Variants in STK38 observed in about 807,000 individuals in gnomAD.
STK38 encodes the protein serine/threonine kinase 38.
STK38 carries 26 observed loss-of-function variants against 59.0 expected under a neutral mutation model. That is an observed-to-expected ratio of 0.44 (90% CI 0.32 to 0.61). The LOEUF is 0.61. Ranked by LOEUF, STK38 falls within the 20% of genes least tolerant of loss-of-function variation. STK38 has a pLI of 0.04. For missense variants in STK38, 433 were observed against 566.0 expected (o/e 0.76, Z 2.38); for synonymous variants, 175 against 176.6 (o/e 0.99, Z 0.07).
At chr6:36,527,207 A>AAAAAATATATATATATAT (rs60162863) in intron 2 of STK38, among the ~76,000 whole-genome samples, 1 of 119,356 alleles carries the variant, frequency 8.4e-6, no homozygotes, top group Admixed American at 1.0e-4. Context: ...AAAAAAAAAA[A>AAAAAATATATATATATAT]ATATATGTAT....
At chr6:36,529,556 T>C (rs1048683185) in intron 2 of STK38, among the ~76,000 whole-genome samples, 1 of 152,134 alleles carries the variant, frequency 6.6e-6, no homozygotes, top group Non-Finnish European at 1.5e-5. Context: ...CTTTCACACT[T>C]AGAGGCCATA....
chr6:36,496,745 A>G lies in STK38; in HGVS notation c.1233T>C (p.Asp411=), dbSNP rs1776713477. The G allele has an allele frequency of 1.2e-6, 2 of 1,613,722 alleles. No individual in the cohort carries two copies. The change falls in exon 13 of 14, where the codon GAT becomes GAC. Residue 411 remains aspartate, a synonymous_variant. Coordinates refer to ENST00000229812, the MANE Select transcript of STK38 (RefSeq NM_007271.4). ...TAAGAATATCAGATTCTGGAAACTC[A>G]TCGAAGTTTGAGGTATCATCAATGC... The part of the protein sequence containing the change: ...IKSIDDTSNF[D]EFPESDILKP...
chr6:36,535,745 G>A (rs144607287), intron 2 of STK38, among the ~76,000 whole-genome samples: 17 of 150,828 alleles, frequency 1.1e-4, no homozygotes, highest in African/African-American at 9.7e-5. Context: ...GTGTGGTGGC[G>A]TGTGCCTGTA....
chr6:36,502,922 A>T (rs1776874152), intron 9 of STK38, among the ~76,000 whole-genome samples: 1 of 152,220 alleles, frequency 6.6e-6, no homozygotes, highest in African/African-American at 2.4e-5. Flanking sequence ...TCTAAAATTG[A>T]TTCACACTGT....
intron 9 of STK38, among the ~76,000 whole-genome samples, chr6:36,501,092 A>C (rs1173382795): frequency 6.6e-6 from 1 of 152,114 alleles, no homozygotes; most frequent in Non-Finnish European, 1.5e-5. Context: ...AGCTAGGACC[A>C]CAGGTGCATG....
At chr6:36,511,683 G>GT (rs1777113325) in intron 7 of STK38, among the ~76,000 whole-genome samples, 2 of 151,940 alleles carry the variant, frequency 1.3e-5, no homozygotes, top group South Asian at 2.1e-4. Context: ...AGATTTGCAA[G>GT]TAACTTACTC....
At chr6:36,509,787 G>A (rs567067669) in intron 7 of STK38, among the ~76,000 whole-genome samples, 27 of 152,224 alleles carry the variant, frequency 1.8e-4, no homozygotes, top group African/African-American at 4.6e-4. Flanking sequence ...TATCTGTGTC[G>A]GAGTCCATTT....
chr6:36,495,525 C>T lies in STK38; in HGVS notation c.*259G>A. The stretch of plus-strand genomic sequence containing the variant: ...AAAACTCAAGTTATTTTTAAAACAC[C>T]TATCAAATTGGCTCATGATGCTTCT... On this transcript the variant is annotated 3_prime_UTR_variant, in exon 14 of 14. Transcript: ENST00000229812. The T allele has an allele frequency of 2.9e-6, 1 of 348,926 alleles. No homozygotes were observed. The highest frequency in any genetic ancestry group is 5.3e-6 in the Non-Finnish European group (1 of 188,086). 21.6% of individuals were successfully genotyped at this position (348,926 alleles called of 1,614,324 possible). A position where few individuals can be genotyped will look rare whatever the true frequency, so the allele number is the denominator to read the frequency against.
At chr6:36,543,460 A>G (rs1358907025) in intron 1 of STK38, among the ~76,000 whole-genome samples, 2 of 152,074 alleles carry the variant, frequency 1.3e-5, no homozygotes, top group Non-Finnish European at 2.9e-5. Context: ...AAAAATTAGG[A>G]GAGGCTGAAC....
intron 2 of STK38, among the ~76,000 whole-genome samples, chr6:36,529,994 A>C (rs1405700965): frequency 1.3e-5 from 2 of 152,156 alleles, no homozygotes; most frequent in Non-Finnish European, 2.9e-5. Context: ...TAATCCCAGC[A>C]CTTTGGGAGG....
At chr6:36,516,923 C>A (rs1368696023) in intron 6 of STK38, among the ~76,000 whole-genome samples, 1 of 152,182 alleles carries the variant, frequency 6.6e-6, no homozygotes, top group South Asian at 2.1e-4. Flanking sequence ...TATTTAAGAA[C>A]TAGCATCTAA....
intron 1 of STK38, among the ~76,000 whole-genome samples, chr6:36,543,133 C>A (rs1046479724): frequency 6.6e-6 from 1 of 150,982 alleles, no homozygotes; most frequent in Non-Finnish European, 1.5e-5. Flanking sequence ...GGCGCGATCT[C>A]GGCTCACTCC....
intron 2 of STK38, among the ~76,000 whole-genome samples, chr6:36,531,117 G>A (rs1397314454): frequency 6.6e-6 from 1 of 152,118 alleles, no homozygotes; most frequent in East Asian, 1.9e-4. Flanking sequence ...CATTCTTGAG[G>A]CTTAAATAAA....
chr6:36,501,823 G>C (rs1336719985), intron 9 of STK38, among the ~76,000 whole-genome samples: 1 of 152,172 alleles, frequency 6.6e-6, no homozygotes. Context: ...AGTCACAATA[G>C]TTTTTATCCG....
At chr6:36,527,020 T>C (rs57423505) in intron 2 of STK38, among the ~76,000 whole-genome samples, 41,671 of 150,992 alleles carry the variant, frequency 0.28, 6,643 homozygotes, top group African/African-American at 0.44. Flanking sequence ...AGTAAAACCC[T>C]GTCTCTACTA....
At chr6:36,518,665 C>T (rs1002224072) in intron 5 of STK38, among the ~76,000 whole-genome samples, 1 of 152,116 alleles carries the variant, frequency 6.6e-6, no homozygotes, top group African/African-American at 2.4e-5. Context: ...TAAAGTGATC[C>T]TCCTGCCTCA....
At chr6:36,497,541 C>T (rs577857903) in intron 12 of STK38, among the ~76,000 whole-genome samples, 5 of 152,258 alleles carry the variant, frequency 3.3e-5, no homozygotes, top group East Asian at 3.9e-4. Context: ...CCCTCCACCT[C>T]AAAAAACAAA....
chr6:36,511,391 C>G (rs770468859), intron 7 of STK38, among the ~76,000 whole-genome samples: 3 of 151,328 alleles, frequency 2.0e-5, no homozygotes, highest in Non-Finnish European at 4.4e-5. Flanking sequence ...GAGTCTCGCT[C>G]TGTTACCCAG....
At chr6:36,516,847 G>A (rs73413274) in intron 6 of STK38, among the ~76,000 whole-genome samples, 121 of 152,292 alleles carry the variant, frequency 7.9e-4, no homozygotes, top group African/African-American at 2.7e-3. Context: ...GAGAAGCTAC[G>A]GAAGATGGTA....
Sources: gnomAD v4.1 joint callset for allele counts (sites outside exome capture counted in the v4.1 genomes callset) on GRCh38, gnomAD v4.1.1 for gene constraint, MANE v1.5 for transcripts, NCBI Gene and HGNC (gene_info 2026-07-23, HGNC 2026-07-21) for gene names.